Variants in AFAP1L2 observed in about 807,000 individuals in gnomAD.
The protein encoded by AFAP1L2 is actin filament-associated protein 1-like 2.
Under a neutral mutation model 99.3 loss-of-function variants are expected in AFAP1L2, and 46 were observed. The ratio of observed to expected loss-of-function variants is 0.46; its 90% CI spans 0.37 to 0.59. The LOEUF (loss-of-function observed/expected upper bound fraction) is 0.59, where lower values mean the gene tolerates loss of function less well. AFAP1L2 is among the 20% of genes least tolerant of loss of function. The probability of loss-of-function intolerance (pLI) is 0.00; values close to 1 mark genes in which losing one functional copy is unlikely to be tolerated. For missense variants in AFAP1L2, 959 were observed against 1,034.9 expected (o/e 0.93, Z 1.01); for synonymous variants, 397 against 419.1 (o/e 0.95, Z 0.64).
the AFAP1L2 span, chr10:114,289,471 A>T: frequency 1.2e-6 from 2 of 1,614,202 alleles, no homozygotes; most frequent in South Asian, 2.2e-5. Flanking sequence ...GGACGTGCTC[A>T]TTGAGTGGCT....
At chr10:114,290,703 G>GT (rs1317899275), downstream of AFAP1L2, among the ~76,000 whole-genome samples, 2 of 148,098 alleles carry the variant, frequency 1.4e-5, no homozygotes, top group African/African-American at 5.1e-5. Context: ...GGAGGCCACA[G>GT]TTAGGAGCAC....
intron 1 of AFAP1L2, among the ~76,000 whole-genome samples, chr10:114,354,763 A>G (rs1590464247): frequency 6.6e-6 from 1 of 152,212 alleles, no homozygotes; most frequent in East Asian, 1.9e-4. Context: ...AACAAAGCTA[A>G]TAACTAGAGA....
chr10:114,289,459 C>G, the AFAP1L2 span: 2 of 1,614,194 alleles, frequency 1.2e-6, no homozygotes, highest in Non-Finnish European at 1.7e-6. Flanking sequence ...GCGGTACCAC[C>G]AGGACGTGCT....
chr10:114,345,803 A>G (rs1025879969), intron 1 of AFAP1L2, among the ~76,000 whole-genome samples: 3 of 152,172 alleles, frequency 2.0e-5, no homozygotes, highest in Non-Finnish European at 4.4e-5. Flanking sequence ...GGATGAAGAG[A>G]AAGAGTGGAC....
intron 10 of AFAP1L2, among the ~76,000 whole-genome samples, chr10:114,306,120 T>TACA (rs1564811657): frequency 3.0e-5 from 1 of 32,956 alleles, no homozygotes; most frequent in Admixed American, 4.0e-4. Context: ...TGCAGATGCC[T>TACA]GGAGGGATGC....
chr10:114,373,788 T>C (rs983503685), intron 1 of AFAP1L2, among the ~76,000 whole-genome samples: 1 of 152,142 alleles, frequency 6.6e-6, no homozygotes. Flanking sequence ...GCCCCAGAGC[T>C]CCGTCTCTGC....
At chr10:114,386,146 C>A (rs61868310) in intron 1 of AFAP1L2, among the ~76,000 whole-genome samples, 5,763 of 152,216 alleles carry the variant, frequency 0.038, 119 homozygotes, top group Middle Eastern at 0.095. Context: ...CCCTCGGTAA[C>A]CTCATGGAGA....
chr10:114,383,901 C>T (rs1296372126), intron 1 of AFAP1L2, among the ~76,000 whole-genome samples: 1 of 152,168 alleles, frequency 6.6e-6, no homozygotes, highest in Admixed American at 6.5e-5. Context: ...TCTTCCTAAA[C>T]CCTCAGTCCA....
chr10:114,343,939 C>T (rs1294652729), intron 1 of AFAP1L2, among the ~76,000 whole-genome samples: 2 of 152,028 alleles, frequency 1.3e-5, no homozygotes, highest in African/African-American at 4.8e-5. Flanking sequence ...CAGAGAAGAA[C>T]GGGAGACAAC....
chr10:114,397,312 C>G (rs1004433536), intron 1 of AFAP1L2, among the ~76,000 whole-genome samples: 1 of 152,146 alleles, frequency 6.6e-6, no homozygotes, highest in Non-Finnish European at 1.5e-5. Context: ...ATAGTTTTGC[C>G]TTTTCCAGAA....
At chr10:114,323,303 A>T in intron 4 of AFAP1L2, 42 bp from the exon 5 acceptor site, 1 of 1,517,022 alleles carries the variant, frequency 6.6e-7, no homozygotes, top group Non-Finnish European at 9.0e-7. Context: ...CAGATATGGT[A>T]CACTGGGAGC....
intron 1 of AFAP1L2, among the ~76,000 whole-genome samples, chr10:114,391,456 G>T (rs1455560314): frequency 6.6e-6 from 1 of 152,162 alleles, no homozygotes; most frequent in Non-Finnish European, 1.5e-5. Flanking sequence ...CTGACCTCAG[G>T]TGATCCACCT....
chr10:114,323,334 G>T, intron 4 of AFAP1L2, 73 bp from the exon 5 acceptor site: 1 of 1,371,376 alleles, frequency 7.3e-7, no homozygotes, highest in East Asian at 2.5e-5. Flanking sequence ...TAACTCTTCG[G>T]GTGGAAGTCT....
intron 2 of AFAP1L2, among the ~76,000 whole-genome samples, chr10:114,334,802 G>A (rs1246624309): frequency 1.3e-5 from 2 of 152,250 alleles, no homozygotes; most frequent in Non-Finnish European, 2.9e-5. Flanking sequence ...GGGGAAAAGT[G>A]CCCTGCAGGG....
chr10:114,366,148 T>G (rs1486419403), intron 1 of AFAP1L2, among the ~76,000 whole-genome samples: 1 of 152,210 alleles, frequency 6.6e-6, no homozygotes, highest in Non-Finnish European at 1.5e-5. Context: ...GTGAGTAGAT[T>G]CATTAATTAC....
intron 4 of AFAP1L2, 59 bp downstream of exon 4, chr10:114,331,744 C>A: frequency 8.3e-7 from 1 of 1,206,018 alleles, no homozygotes; most frequent in South Asian, 2.7e-5. Context: ...CCTGTGGAGA[C>A]AACTGGAAGT....
intron 10 of AFAP1L2, 152 bp from the exon 11 acceptor site, chr10:114,305,082 T>C (rs2041915063): frequency 3.3e-6 from 2 of 600,124 alleles, no homozygotes; most frequent in Non-Finnish European, 5.6e-6. Flanking sequence ...GGGACTGGGC[T>C]CCAGGAGGGG....
intron 1 of AFAP1L2, among the ~76,000 whole-genome samples, chr10:114,343,224 A>G (rs1429182126): frequency 6.6e-6 from 1 of 152,106 alleles, no homozygotes; most frequent in Admixed American, 6.5e-5. Context: ...TCTTCCCCCA[A>G]ATGGCCTCCA....
chr10:114,371,060 C>T (rs1590657484), intron 1 of AFAP1L2, among the ~76,000 whole-genome samples: 1 of 152,196 alleles, frequency 6.6e-6, no homozygotes, highest in African/African-American at 2.4e-5. Flanking sequence ...TGAGTCCTCA[C>T]TGTGACAGGC....
Sources: gnomAD v4.1 joint callset for allele counts (sites outside exome capture counted in the v4.1 genomes callset) on GRCh38, gnomAD v4.1.1 for gene constraint, MANE v1.5 for transcripts, NCBI Gene and HGNC (gene_info 2026-07-23, HGNC 2026-07-21) for gene names.